The following KLRF1 variants were observed in gnomAD, a reference collection of about 807,000 sequenced individuals.
KLRF1 encodes the protein killer cell lectin-like receptor subfamily F member 1.
Under a neutral mutation model 30.7 loss-of-function variants are expected in KLRF1, and 27 were observed. That is an observed-to-expected ratio of 0.88 (90% CI 0.65 to 1.21). The LOEUF (loss-of-function observed/expected upper bound fraction) is 1.21. KLRF1 is among the 50% of genes most tolerant of loss of function. The probability of loss-of-function intolerance (pLI) is 0.00; values close to 1 mark genes in which losing one functional copy is unlikely to be tolerated. For synonymous variants in KLRF1, 92 were observed against 89.3 expected (o/e 1.03, Z -0.17); for missense variants, 246 against 259.3 (o/e 0.95, Z 0.35).
chr12:9,837,178 C>T (rs915167050), intron 3 of KLRF1, among the ~76,000 whole-genome samples: 1 of 152,028 alleles, frequency 6.6e-6, no homozygotes, highest in Non-Finnish European at 1.5e-5. Flanking sequence ...TATGGATTTA[C>T]CTATTCTGGA....
chr12:9,841,956 T>C lies in KLRF1; in HGVS notation c.474+5T>C, dbSNP rs781018176. 8 of 1,610,136 alleles carry C rather than the reference T, an allele frequency of 5.0e-6. No individual in the cohort carries two copies. The highest frequency in any genetic ancestry group is 2.2e-5 in the East Asian group (1 of 44,692). On this transcript the variant is annotated splice_donor_5th_base_variant and intron_variant, in intron 4 of 5. Coordinates refer to ENST00000617889, the MANE Select transcript of KLRF1 (RefSeq NM_016523.3). Reference sequence around the variant, plus strand: ...ATACATGACCAACTTGAAATGGTAATTGGTCTAGTATCAGGGTTATGGCAT... The same window carrying C: ...ATACATGACCAACTTGAAATGGTAACTGGTCTAGTATCAGGGTTATGGCAT...
the KLRF1 span, among the ~76,000 whole-genome samples, chr12:9,802,029 A>C: frequency 6.6e-6 from 1 of 152,010 alleles, no homozygotes; most frequent in African/African-American, 2.4e-5. Context: ...GCAGAGACAC[A>C]ACAAAAAAAG....
chr12:9,834,197 A>G (rs1408956834), intron 3 of KLRF1, among the ~76,000 whole-genome samples: 1 of 151,866 alleles, frequency 6.6e-6, no homozygotes. Context: ...CACTTCTTTT[A>G]TGGTGGAATG....
chr12:9,813,244 T>C, the KLRF1 span, among the ~76,000 whole-genome samples: 1 of 152,186 alleles, frequency 6.6e-6, no homozygotes. Flanking sequence ...CTGGTTCTTT[T>C]ATGTCTTAAC....
Position 9,833,452 on chromosome 12 carries a change from G to C in KLRF1, c.334G>C (p.Val112Leu). Residue 112 changes from valine (V) to leucine (L), a missense_variant and splice_region_variant, in exon 3 of 6, where the codon GTA becomes CTA. Coordinates refer to ENST00000617889, the MANE Select transcript of KLRF1 (RefSeq NM_016523.3). Reference protein sequence around the residue: ...LCASRSADQTVLCQSEWLKYQ... With the variant: ...LCASRSADQTLLCQSEWLKYQ... ...TGCTTCGAGATCTGCAGACCAGACAGGTATGTCTCAAGGCTTTGGCTTATC... is the reference window on the plus strand; with the variant it reads ...TGCTTCGAGATCTGCAGACCAGACACGTATGTCTCAAGGCTTTGGCTTATC... The C allele has an allele frequency of 6.3e-7, 1 of 1,599,000 alleles. No homozygotes were observed. Among genetic ancestry groups the C allele is most frequent in the Non-Finnish European group, 8.5e-7 (1 of 1,174,102 alleles).
intron 1 of KLRF1, among the ~76,000 whole-genome samples, chr12:9,828,814 T>C (rs753791986): frequency 1.8e-4 from 28 of 152,216 alleles, no homozygotes; most frequent in Non-Finnish European, 2.9e-4. Context: ...TTTTATTTCA[T>C]TTTTGGAAAT....
chr12:9,834,247 T>C (rs1361452516), intron 3 of KLRF1, among the ~76,000 whole-genome samples: 1 of 152,128 alleles, frequency 6.6e-6, no homozygotes, highest in Non-Finnish European at 1.5e-5. Context: ...TCACTTCTTT[T>C]GTGATTCTTC....
At chr12:9,833,901 C>CTTTTTTTTTTTTTTTT (rs35443913) in intron 3 of KLRF1, among the ~76,000 whole-genome samples, 6 of 82,400 alleles carry the variant, frequency 7.3e-5, no homozygotes, top group African/African-American at 2.8e-4. Flanking sequence ...AAATGTTTAA[C>CTTTTTTTTTTTTTTTT]TTTTTTTTTT....
chr12:9,841,888 C>T lies in KLRF1; in HGVS notation c.411C>T (p.Asp137=). The T allele has an allele frequency of 6.2e-7, 1 of 1,611,250 alleles. No individual in the cohort carries two copies. The highest frequency in any genetic ancestry group is 1.3e-5 in the African/African-American group (1 of 74,876). ...WFSNEMKSWS[D]SYVYCLERKS... ...CTAATGAGATGAAAAGCTGGAGTGACAGTTATGTGTATTGTTTGGAAAGAA... is the reference window on the plus strand; with the variant it reads ...CTAATGAGATGAAAAGCTGGAGTGATAGTTATGTGTATTGTTTGGAAAGAA... Residue 137 remains aspartate, a synonymous_variant, in exon 4 of 6, where the codon GAC becomes GAT. Transcript: ENST00000617889.
chr12:9,823,234 A>AG (rs1012303119), upstream of KLRF1, among the ~76,000 whole-genome samples: 1 of 145,016 alleles, frequency 6.9e-6, no homozygotes, highest in Non-Finnish European at 1.5e-5. Flanking sequence ...CAAAAAAAAA[A>AG]AACAAAAACT....
rs1565510339 is a variant in KLRF1 at position 9,841,944 on chromosome 12, T to C, written c.467T>C (p.Leu156Pro). ...CATCTACTAATCATACATGACCAAC[T>C]TGAAATGGTAATTGGTCTAGTATCA... ...KSHLLIIHDQ[L>P]EMAFIQKNLR... The change falls in exon 4 of 6, where the codon CTT (leucine) becomes CCT (proline). Residue 156 changes from leucine to proline, a missense_variant. Physicochemically the swap from Leu to Pro is moderately conservative, Grantham distance 98 (BLOSUM62 -3). Transcript: ENST00000617889. 2 of 1,611,038 alleles carry C rather than the reference T, an allele frequency of 1.2e-6. No homozygotes were observed. The highest frequency in any genetic ancestry group is 1.7e-5 in the Admixed American group (1 of 59,594).
intron 3 of KLRF1, among the ~76,000 whole-genome samples, chr12:9,840,417 T>C (rs1197605346): frequency 6.6e-6 from 1 of 152,024 alleles, no homozygotes; most frequent in Non-Finnish European, 1.5e-5. Context: ...TAAGTTAAAA[T>C]AGTTATATTG....
At chr12:9,825,448 G>C (rs979637131), upstream of KLRF1, among the ~76,000 whole-genome samples, 1 of 152,094 alleles carries the variant, frequency 6.6e-6, no homozygotes, top group Non-Finnish European at 1.5e-5. Context: ...TGAGATAACT[G>C]GCTAGCCACA....
chr12:9,809,839 T>C, the KLRF1 span, among the ~76,000 whole-genome samples: 1 of 152,172 alleles, frequency 6.6e-6, no homozygotes, highest in Non-Finnish European at 1.5e-5. Context: ...GCTGCTTTAT[T>C]TGATGTAAAA....
At chr12:9,820,702 T>A in the KLRF1 span, among the ~76,000 whole-genome samples, 1 of 152,142 alleles carries the variant, frequency 6.6e-6, no homozygotes, top group East Asian at 1.9e-4. Context: ...AACTTACCAC[T>A]TCAATCAAAG....
At chr12:9,826,248 T>C (rs1195573781), upstream of KLRF1, among the ~76,000 whole-genome samples, 1 of 152,160 alleles carries the variant, frequency 6.6e-6, no homozygotes, top group African/African-American at 2.4e-5. Context: ...TTAGTTATTT[T>C]TCCTGATCCT....
At chr12:9,810,401 T>C in the KLRF1 span, among the ~76,000 whole-genome samples, 2 of 152,236 alleles carry the variant, frequency 1.3e-5, no homozygotes, top group South Asian at 4.2e-4. Flanking sequence ...TTTAAACAAA[T>C]TAAATTCCTC....
the KLRF1 span, among the ~76,000 whole-genome samples, chr12:9,820,359 C>G: frequency 6.6e-6 from 1 of 152,224 alleles, no homozygotes; most frequent in African/African-American, 2.4e-5. Context: ...AGACTGTTAC[C>G]TTGATCCCGT....
the KLRF1 span, among the ~76,000 whole-genome samples, chr12:9,822,196 C>T: frequency 5.8e-3 from 884 of 152,140 alleles, 7 homozygotes; most frequent in African/African-American, 0.02. Context: ...AATAGAATTC[C>T]GAATATGGAT....
Sources: gnomAD v4.1 joint callset for allele counts (sites outside exome capture counted in the v4.1 genomes callset) on GRCh38, gnomAD v4.1.1 for gene constraint, MANE v1.5 for transcripts, NCBI Gene and HGNC (gene_info 2026-07-23, HGNC 2026-07-21) for gene names.